Variants in HPSE2 observed in about 807,000 individuals in gnomAD.
HPSE2 encodes heparanase 2 (inactive).
HPSE2 carries 38 observed loss-of-function variants against 60.5 expected under a neutral mutation model. The ratio of observed to expected loss-of-function variants is 0.63; its 90% CI spans 0.48 to 0.82. The LOEUF is 0.82. HPSE2 is among the 40% of genes least tolerant of loss of function. The pLI is 0.00. For synonymous variants in HPSE2, 295 were observed against 293.2 expected (o/e 1.01, Z -0.06); for missense variants, 713 against 740.4 (o/e 0.96, Z 0.43).
At chr10:99,200,130 T>C (rs941102673) in intron 2 of HPSE2, among the ~76,000 whole-genome samples, 2 of 152,136 alleles carry the variant, frequency 1.3e-5, no homozygotes, top group African/African-American at 2.4e-5. Context: ...ATTTTGTATC[T>C]ACAACTTTAC....
chr10:98,537,986 C>T (rs2133816227), intron 9 of HPSE2, among the ~76,000 whole-genome samples: 1 of 152,326 alleles, frequency 6.6e-6, no homozygotes, highest in Non-Finnish European at 1.5e-5. Context: ...GAGAAGAAAA[C>T]ACTGACGTAT....
intron 3 of HPSE2, among the ~76,000 whole-genome samples, chr10:99,051,547 G>T (rs1957991785): frequency 1.3e-5 from 2 of 152,226 alleles, no homozygotes; most frequent in South Asian, 4.1e-4. Context: ...ATAGAAAAGG[G>T]AGTTACCAGA....
the HPSE2 span, among the ~76,000 whole-genome samples, chr10:99,257,946 C>T: frequency 2.0e-5 from 3 of 151,962 alleles, no homozygotes; most frequent in Non-Finnish European, 4.4e-5. Flanking sequence ...ACGTGACTAT[C>T]GGGGACAGGT....
chr10:98,547,441 G>A (rs1003087222), intron 9 of HPSE2, among the ~76,000 whole-genome samples: 2 of 150,788 alleles, frequency 1.3e-5, no homozygotes, highest in Non-Finnish European at 2.9e-5. Flanking sequence ...CTAAGAAAAT[G>A]TGGCACATAT....
intron 3 of HPSE2, among the ~76,000 whole-genome samples, chr10:98,839,205 G>T (rs1951857346): frequency 6.6e-6 from 1 of 152,126 alleles, no homozygotes; most frequent in Admixed American, 6.5e-5. Context: ...AAATTTAAAT[G>T]CATAAGTTAG....
At position 99,151,338 on chromosome 10, in the gene HPSE2, C is replaced by T. The variant is rs1356171141; in HGVS notation, c.449-6939G>A. On this transcript the variant is annotated intron_variant, in intron 2 of 11. Transcript: ENST00000370552. ...AAAGACCAAGGAAAAATGACCACAG[C>T]CTCAGAGAATTATGGGACAACATGA... Among the ~76,000 whole-genome samples, 4 of 151,852 alleles carry T rather than the reference C, an allele frequency of 2.6e-5. No individual in the cohort carries two copies. In the South Asian group the frequency reaches 8.3e-4, roughly 32 times the overall value.
the HPSE2 span, among the ~76,000 whole-genome samples, chr10:99,256,384 A>AGGGGTTG: frequency 7.7e-5 from 1 of 13,016 alleles, no homozygotes; most frequent in Non-Finnish European, 1.6e-4. Flanking sequence ...GGGGCAACCC[A>AGGGGTTG]CCCCTACAAG....
At chr10:99,312,977 T>G in the HPSE2 span, among the ~76,000 whole-genome samples, 1 of 152,194 alleles carries the variant, frequency 6.6e-6, no homozygotes, top group African/African-American at 2.4e-5. Context: ...TGAATTCTCA[T>G]GAGATCTAGT....
At chr10:99,227,931 C>A in intron 2 of HPSE2, among the ~76,000 whole-genome samples, 1 of 147,056 alleles carries the variant, frequency 6.8e-6, no homozygotes. Flanking sequence ...AATTAAATGG[C>A]AAAACAAGGC....
intron 7 of HPSE2, among the ~76,000 whole-genome samples, chr10:98,633,474 A>G (rs1297958343): frequency 2.0e-5 from 3 of 152,190 alleles, no homozygotes; most frequent in Non-Finnish European, 4.4e-5. Flanking sequence ...TGGACTCCCA[A>G]AGTGCTGAGA....
At chr10:98,901,065 T>C (rs935643195) in intron 3 of HPSE2, among the ~76,000 whole-genome samples, 1 of 152,102 alleles carries the variant, frequency 6.6e-6, no homozygotes, top group African/African-American at 2.4e-5. Flanking sequence ...CATGAATGAA[T>C]CTCAGAGTTA....
At chr10:99,027,270 T>C (rs201174485) in intron 3 of HPSE2, among the ~76,000 whole-genome samples, 1 of 128,404 alleles carries the variant, frequency 7.8e-6, no homozygotes, top group East Asian at 2.2e-4. Flanking sequence ...AAATCAGAAA[T>C]AAAAAAAAAA....
chr10:98,821,558 C>T (rs1951424218), intron 3 of HPSE2, among the ~76,000 whole-genome samples: 1 of 152,164 alleles, frequency 6.6e-6, no homozygotes, highest in Non-Finnish European at 1.5e-5. Context: ...CTGATGGCTA[C>T]TTCAGCCCAA....
intron 5 of HPSE2, among the ~76,000 whole-genome samples, chr10:98,718,477 A>G (rs1948843964): frequency 6.6e-6 from 1 of 152,176 alleles, no homozygotes; most frequent in African/African-American, 2.4e-5. Context: ...TATCAAAAAT[A>G]TTATGCACAC....
intron 3 of HPSE2, among the ~76,000 whole-genome samples, chr10:98,926,709 A>C (rs1954475148): frequency 2.6e-5 from 4 of 152,224 alleles, no homozygotes; most frequent in Admixed American, 2.6e-4. Flanking sequence ...AAGGTAAAAA[A>C]ATTTTAAAAG....
intron 9 of HPSE2, among the ~76,000 whole-genome samples, chr10:98,553,522 A>G (rs915756131): frequency 1.8e-4 from 28 of 152,168 alleles, no homozygotes; most frequent in Non-Finnish European, 3.4e-4. Flanking sequence ...CTCCTCCCCA[A>G]GCCTACTTTT....
At chr10:99,257,462 T>C in the HPSE2 span, among the ~76,000 whole-genome samples, 1 of 152,022 alleles carries the variant, frequency 6.6e-6, no homozygotes, top group Non-Finnish European at 1.5e-5. Flanking sequence ...GCAGCTGTCT[T>C]TTATGGTCGA....
intron 3 of HPSE2, among the ~76,000 whole-genome samples, chr10:99,070,897 C>A (rs1246182372): frequency 6.6e-6 from 1 of 152,030 alleles, no homozygotes; most frequent in Non-Finnish European, 1.5e-5. Context: ...TATTCTTTGT[C>A]CATTCATCTA....
chr10:98,851,304 T>C (rs1036332260), intron 3 of HPSE2, among the ~76,000 whole-genome samples: 1 of 152,226 alleles, frequency 6.6e-6, no homozygotes. Context: ...ATTTTAGTGA[T>C]GCTGTGGATG....
Sources: gnomAD v4.1 joint callset for allele counts (sites outside exome capture counted in the v4.1 genomes callset) on GRCh38, gnomAD v4.1.1 for gene constraint, MANE v1.5 for transcripts, NCBI Gene and HGNC (gene_info 2026-07-23, HGNC 2026-07-21) for gene names.